FUBP1: variants seen among roughly 807,000 people sequenced by gnomAD.
FUBP1 encodes the protein far upstream element-binding protein 1.
In FUBP1, 16 loss-of-function variants were observed where a neutral mutation model predicts 94.9. The ratio of observed to expected loss-of-function variants is 0.17; its 90% CI spans 0.11 to 0.26. FUBP1 has a LOEUF of 0.26. FUBP1 is among the 10% of genes least tolerant of loss of function. The pLI, the probability that FUBP1 is intolerant of heterozygous loss-of-function variation, is 1.00. For synonymous variants in FUBP1, 279 were observed against 254.9 expected (o/e 1.09, Z -0.90); for missense variants, 583 against 808.6 (o/e 0.72, Z 3.38).
intron 1 of FUBP1, among the ~76,000 whole-genome samples, chr1:77,978,463 C>A (rs1265794098): frequency 6.6e-6 from 1 of 152,256 alleles, no homozygotes. Context: ...GCTGTAAAGG[C>A]TACTTTAATG....
chr1:77,958,007 G>C (rs1278192869), intron 16 of FUBP1, among the ~76,000 whole-genome samples: 2 of 151,996 alleles, frequency 1.3e-5, no homozygotes, highest in African/African-American at 4.8e-5. Context: ...TGCCAGGCTG[G>C]TCTCCAACTC....
intron 18 of FUBP1, 146 bp from the exon 19 acceptor site, chr1:77,949,446 A>C (rs201715128): frequency 3.3e-5 from 19 of 579,188 alleles, no homozygotes; most frequent in East Asian, 2.3e-4. Flanking sequence ...AAAAAAAAAA[A>C]CCCCTAAACT....
intron 1 of FUBP1, among the ~76,000 whole-genome samples, chr1:77,973,332 G>A (rs542459674): frequency 7.3e-4 from 111 of 152,100 alleles, no homozygotes; most frequent in African/African-American, 2.5e-3. Context: ...TGCAATGTCC[G>A]CCCCCCAAGT....
At chr1:77,955,370 T>C (rs759496471) in intron 17 of FUBP1, 41 bp from the exon 18 acceptor site, 5 of 1,278,702 alleles carry the variant, frequency 3.9e-6, no homozygotes, top group Non-Finnish European at 5.7e-6. Flanking sequence ...AATTAAAGTT[T>C]TTAAAAGGCA....
intron 17 of FUBP1, among the ~76,000 whole-genome samples, chr1:77,956,129 A>G (rs965278464): frequency 6.6e-6 from 1 of 152,372 alleles, no homozygotes; most frequent in African/African-American, 2.4e-5. Context: ...AGAACTTAAT[A>G]TATCAATGTT....
At chr1:77,970,149 A>T (rs1451611861) in intron 1 of FUBP1, 134 bp from the exon 2 acceptor site, 2 of 452,490 alleles carry the variant, frequency 4.4e-6, no homozygotes, top group Non-Finnish European at 7.9e-6. Flanking sequence ...TGAAAAATTA[A>T]AATTATAGTT....
At chr1:77,967,784 T>C in intron 3 of FUBP1, 118 bp from the exon 4 acceptor site, 1 of 624,612 alleles carries the variant, frequency 1.6e-6, no homozygotes, top group Non-Finnish European at 2.7e-6. Flanking sequence ...AGACAACACC[T>C]TGAAGAGAGT....
intron 1 of FUBP1, among the ~76,000 whole-genome samples, chr1:77,974,354 A>T: frequency 6.6e-6 from 1 of 151,734 alleles, no homozygotes; most frequent in Admixed American, 6.6e-5. Context: ...GGACGGTCTC[A>T]ATCTCCTGAC....
At chr1:77,965,948 C>T (rs961108518) in intron 7 of FUBP1, among the ~76,000 whole-genome samples, 1 of 152,176 alleles carries the variant, frequency 6.6e-6, no homozygotes, top group Non-Finnish European at 1.5e-5. Context: ...ACTCGGGAGG[C>T]GGAGGTTGCA....
At chr1:77,956,916 T>C (rs1452768960) in intron 16 of FUBP1, among the ~76,000 whole-genome samples, 1 of 152,200 alleles carries the variant, frequency 6.6e-6, no homozygotes, top group Non-Finnish European at 1.5e-5. Flanking sequence ...ACTAAGTGAC[T>C]TTCCTAGGTT....
chr1:77,967,694 CAA>C, intron 3 of FUBP1, 28 bp from the exon 4 acceptor site: 1 of 1,337,408 alleles, frequency 7.5e-7, no homozygotes, highest in African/African-American at 1.5e-5. Flanking sequence ...AAAAATAAAA[CAA>C]AAATTCAAAA....
At chr1:77,964,233 A>G (rs758488265) in intron 11 of FUBP1, 21 bp downstream of exon 11, 2 of 1,561,602 alleles carry the variant, frequency 1.3e-6, no homozygotes, top group Non-Finnish European at 8.8e-7. Flanking sequence ...CAACACTTAC[A>G]AGATTATTAT....
At chr1:77,970,407 T>G (rs762863518) in intron 1 of FUBP1, among the ~76,000 whole-genome samples, 10 of 152,222 alleles carry the variant, frequency 6.6e-5, no homozygotes, top group Non-Finnish European at 1.2e-4. Context: ...AGGTAGCCAC[T>G]AGCCATATGT....
intron 16 of FUBP1, among the ~76,000 whole-genome samples, chr1:77,959,710 T>G (rs574841464): frequency 6.6e-6 from 1 of 152,066 alleles, no homozygotes; most frequent in African/African-American, 2.4e-5. Flanking sequence ...TTAAAACAAA[T>G]TTTTTTAGAG....
chr1:77,979,478 C>T (rs1325513), upstream of FUBP1: 1,445 of 158,472 alleles, frequency 9.1e-3, 17 homozygotes, highest in Non-Finnish European at 0.013. Flanking sequence ...GGCGTGACAA[C>T]GACGGGCGTG....
Position 77,948,426 on chromosome 1 carries a change from TA to T in FUBP1, c.*339del. 9.1e-7 allele frequency: 1 copy of T among 1,104,236 alleles called. No homozygotes were observed. Among genetic ancestry groups the T allele is most frequent in the East Asian group, 4.5e-5 (1 of 22,350 alleles). The allele number at this position is 1,104,236 out of a possible 1,614,324, so 68.4% of individuals were successfully genotyped here. Reference sequence around the variant, plus strand: ...ACAGGAGGTTTCATATCATTTATTGTAAAGCACAAAACAGGCATTTTAAAAG... The same window carrying T: ...ACAGGAGGTTTCATATCATTTATTGTAAGCACAAAACAGGCATTTTAAAAG... On this transcript the variant is annotated 3_prime_UTR_variant, in exon 20 of 20. Transcript: ENST00000370768.
Position 77,947,679 on chromosome 1 carries a change from G to A in FUBP1, c.*1087C>T, listed in dbSNP as rs947963519. The stretch of plus-strand genomic sequence containing the variant: ...ACAAAATATCAGAACTTCAGCATGA[G>A]TGTTAAAGAGTAATAAAATGACTTC... On this transcript the variant is annotated 3_prime_UTR_variant, in exon 20 of 20. Coordinates refer to ENST00000370768, the MANE Select transcript of FUBP1 (RefSeq NM_003902.5). 1.6e-6 allele frequency: 1 copy of A among 615,852 alleles called. No individual in the cohort carries two copies. The highest frequency in any genetic ancestry group is 2.7e-6 in the Non-Finnish European group (1 of 364,640). 38.1% of individuals were successfully genotyped at this position (615,852 alleles called of 1,614,324 possible).
At chr1:77,969,903 A>C (rs1208920368) in intron 2 of FUBP1, 22 bp downstream of exon 2, 1 of 1,054,192 alleles carries the variant, frequency 9.5e-7, no homozygotes, top group Non-Finnish European at 1.4e-6. Context: ...AAACAATTTA[A>C]AATACTTAGA....
chr1:77,964,510 T>C (rs978109864), intron 10 of FUBP1, 136 bp downstream of exon 10: 1 of 669,150 alleles, frequency 1.5e-6, no homozygotes, highest in Admixed American at 2.8e-5. Context: ...TAACAAGATA[T>C]ATAGAATTCT....
Sources: gnomAD v4.1 joint callset for allele counts (sites outside exome capture counted in the v4.1 genomes callset) on GRCh38, gnomAD v4.1.1 for gene constraint, MANE v1.5 for transcripts, NCBI Gene and HGNC (gene_info 2026-07-23, HGNC 2026-07-21) for gene names.